Variants in EPS8 observed in about 807,000 individuals in gnomAD.
The protein encoded by EPS8 is epidermal growth factor receptor kinase substrate 8.
EPS8 carries 42 observed loss-of-function variants against 103.8 expected under a neutral mutation model. That is an observed-to-expected ratio of 0.40 (90% CI 0.32 to 0.52). The LOEUF is 0.52. Among genes scored for constraint, EPS8 ranks in the 20% least tolerant of loss-of-function variants. The probability of loss-of-function intolerance (pLI) is 0.40; values close to 1 mark genes in which losing one functional copy is unlikely to be tolerated. For synonymous variants in EPS8, 344 were observed against 344.6 expected (o/e 1.00, Z 0.02); for missense variants, 969 against 1,005.1 (o/e 0.96, Z 0.49).
At position 15,762,759 on chromosome 12, in the gene EPS8, G is replaced by A. The variant is rs980811965; in HGVS notation, c.-22+26402C>T. Among the ~76,000 whole-genome samples, 2 of 151,972 alleles carry A rather than the reference G, an allele frequency of 1.3e-5. No homozygotes were observed. The highest frequency in any genetic ancestry group is 4.8e-5 in the African/African-American group (2 of 41,380). The stretch of plus-strand genomic sequence containing the variant: ...TCATGGAGAGAGAGTATAGAAGGAT[G>A]GTTACCAGAGGCTGGGAAGGTGAAG... On this transcript the variant is annotated intron_variant, in intron 1 of 20. Coordinates refer to ENST00000281172, the MANE Select transcript of EPS8 (RefSeq NM_004447.6). The surrounding 1 kb of genome is among the most constrained non-coding windows in gnomAD (Gnocchi z 4.8).
At chr12:15,707,604 C>T (rs996305777) in intron 1 of EPS8, among the ~76,000 whole-genome samples, 3 of 151,964 alleles carry the variant, frequency 2.0e-5, no homozygotes, top group African/African-American at 7.3e-5. Flanking sequence ...TAAATCCTTC[C>T]GAAGTCTTCC....
At chr12:15,666,165 T>G (rs1365477640) in intron 7 of EPS8, among the ~76,000 whole-genome samples, 1 of 152,218 alleles carries the variant, frequency 6.6e-6, no homozygotes, top group Non-Finnish European at 1.5e-5. Flanking sequence ...TAGCTTGTAT[T>G]TCCCTAGGAT....
rs1437898645 is a variant in EPS8, at chr12:15,787,663, T to C, written c.-22+1498A>G. Among the ~76,000 whole-genome samples the C allele has an allele frequency of 2.0e-5, 3 of 152,220 alleles. No homozygotes were observed. The highest frequency in any genetic ancestry group is 4.4e-5 in the Non-Finnish European group (3 of 68,034). On this transcript the variant is annotated intron_variant, in intron 1 of 20. Transcript: ENST00000281172. This position sits in a 1 kb window ranked among gnomAD's most constrained non-coding sequence, Gnocchi z 4.9. ...CAAATTATATTTTCCTTCTTTTTTTTCTGCTATAAAGTGAATGACTTGTGG... is the reference window on the plus strand; with the variant it reads ...CAAATTATATTTTCCTTCTTTTTTTCCTGCTATAAAGTGAATGACTTGTGG...
chr12:15,732,127 A>G (rs1320910616), intron 1 of EPS8, among the ~76,000 whole-genome samples: 1 of 152,174 alleles, frequency 6.6e-6, no homozygotes, highest in East Asian at 1.9e-4. Flanking sequence ...ACCCATTTTC[A>G]TAAGTCTATA....
rs1268763788 is a variant in EPS8 at position 15,752,710 on chromosome 12, G to A, written c.-22+36451C>T. Among the ~76,000 whole-genome samples, 3 of 152,094 alleles carry A rather than the reference G, an allele frequency of 2.0e-5. No individual in the cohort carries two copies. The highest frequency in any genetic ancestry group is 2.4e-5 in the African/African-American group (1 of 41,464). Reference sequence around the variant, plus strand: ...AGATGGGCCTGAGAAGTTATACCCCGACAGTGAAGATATTAATAATGATGA... The same window carrying A: ...AGATGGGCCTGAGAAGTTATACCCCAACAGTGAAGATATTAATAATGATGA... On this transcript the variant is annotated intron_variant, in intron 1 of 20. Coordinates refer to ENST00000281172, the MANE Select transcript of EPS8 (RefSeq NM_004447.6). The surrounding 1 kb of genome is among the most constrained non-coding windows in gnomAD (Gnocchi z 4.4).
chr12:15,752,006 A>G lies in EPS8; in HGVS notation c.-22+37155T>C, dbSNP rs1422768696. Among the ~76,000 whole-genome samples the G allele has an allele frequency of 1.3e-5, 2 of 152,206 alleles. No individual in the cohort carries two copies. Among genetic ancestry groups the G allele is most frequent in the Non-Finnish European group, 2.9e-5 (2 of 68,050 alleles). ...GGCCAAGGCAAAGTGCCAATACAGG[A>G]AATCAGTGACTGGATTTGAGGTATA... is the stretch of plus-strand genomic sequence containing the variant. On this transcript the variant is annotated intron_variant, in intron 1 of 20. Coordinates refer to ENST00000281172, the MANE Select transcript of EPS8 (RefSeq NM_004447.6). This position sits in a 1 kb window ranked among gnomAD's most constrained non-coding sequence, Gnocchi z 4.4.
chr12:15,766,016 A>G (rs994012677), intron 1 of EPS8, among the ~76,000 whole-genome samples: 1 of 150,854 alleles, frequency 6.6e-6, no homozygotes. Context: ...GGGTTTCACC[A>G]TGTTGGTCAG....
intron 1 of EPS8, among the ~76,000 whole-genome samples, chr12:15,711,611 G>C (rs1170756484): frequency 6.6e-6 from 1 of 152,090 alleles, no homozygotes; most frequent in Admixed American, 6.5e-5. Flanking sequence ...ATTTGCCTTA[G>C]AGTTTGGCCA....
rs1200705359 is a variant in EPS8, at chr12:15,778,490, A to G, written c.-22+10671T>C. On this transcript the variant is annotated intron_variant, in intron 1 of 20. Coordinates refer to ENST00000281172, the MANE Select transcript of EPS8 (RefSeq NM_004447.6). This position sits in a 1 kb window ranked among gnomAD's most constrained non-coding sequence, Gnocchi z 4.5. Reference sequence around the variant, plus strand: ...AGGATCTTGATGTGCAAAAAACAAAACAAAAACACTGTAGTTTATGGTACA... The same window carrying G: ...AGGATCTTGATGTGCAAAAAACAAAGCAAAAACACTGTAGTTTATGGTACA... Among the ~76,000 whole-genome samples, 2 of 152,224 alleles carry G rather than the reference A, an allele frequency of 1.3e-5. No homozygotes were observed. The highest frequency in any genetic ancestry group is 2.9e-5 in the Non-Finnish European group (2 of 68,032).
Position 15,731,155 on chromosome 12 carries a change from G to C in EPS8, c.-21-48183C>G, listed in dbSNP as rs1946711673. 1.3e-5 allele frequency among the ~76,000 whole-genome samples: 2 copies of C among 152,152 alleles called. No individual in the cohort carries two copies. Among genetic ancestry groups the C allele is most frequent in the Admixed American group, 1.3e-4 (2 of 15,280 alleles). ...AATAATTAAAATGTCATGGGCAACT[G>C]CTATCCAGGTTTTTAGCTAGCTTAA... is the stretch of plus-strand genomic sequence containing the variant. On this transcript the variant is annotated intron_variant, in intron 1 of 20. Transcript: ENST00000281172. The surrounding 1 kb of genome is among the most constrained non-coding windows in gnomAD (Gnocchi z 5.1).
rs1328784080 is a variant in EPS8 at position 15,728,832 on chromosome 12, A to G, written c.-21-45860T>C. On this transcript the variant is annotated intron_variant, in intron 1 of 20. Transcript: ENST00000281172. This position sits in a 1 kb window ranked among gnomAD's most constrained non-coding sequence, Gnocchi z 4.5. ...TAGCAAAATATTCAAGCCAATAAAA[A>G]TGGGCTAAAGGACACTGTTAAGAAA... Among the ~76,000 whole-genome samples the G allele has an allele frequency of 6.6e-6, 1 of 152,234 alleles. No homozygotes were observed. Among genetic ancestry groups the G allele is most frequent in the African/African-American group, 2.4e-5 (1 of 41,460 alleles).
intron 14 of EPS8, among the ~76,000 whole-genome samples, chr12:15,647,561 C>T (rs559073823): frequency 1.8e-4 from 28 of 152,214 alleles, no homozygotes; most frequent in African/African-American, 6.0e-4. Context: ...AAAATTATAC[C>T]GGCTTCTCAT....
At chr12:15,711,569 T>C (rs1043411752) in intron 1 of EPS8, among the ~76,000 whole-genome samples, 2 of 152,064 alleles carry the variant, frequency 1.3e-5, no homozygotes, top group Admixed American at 6.6e-5. Context: ...CAAGAACATA[T>C]ATGGAGATTT....
intron 13 of EPS8, among the ~76,000 whole-genome samples, chr12:15,652,672 TA>T (rs1170824307): frequency 1.3e-5 from 2 of 152,178 alleles, no homozygotes; most frequent in East Asian, 3.8e-4. Flanking sequence ...CACTATGCTA[TA>T]CTAGTACATA....
intron 1 of EPS8, among the ~76,000 whole-genome samples, chr12:15,689,218 G>T (rs1045803046): frequency 1.3e-5 from 2 of 151,680 alleles, no homozygotes; most frequent in Non-Finnish European, 2.9e-5. Flanking sequence ...TTATTTGCTC[G>T]GATGTGCAAT....
chr12:15,757,652 A>AAGAAAG lies in EPS8; in HGVS notation c.-22+31508_-22+31509insCTTTCT. ...TGAAGAAAAAAAAAAGAAAAAGAAA[A>AAGAAAG]AGAAAAAGATGAAGTGGCCACCACT... On this transcript the variant is annotated intron_variant, in intron 1 of 20. Coordinates refer to ENST00000281172, the MANE Select transcript of EPS8 (RefSeq NM_004447.6). This position sits in a 1 kb window ranked among gnomAD's most constrained non-coding sequence, Gnocchi z 4.1. Among the ~76,000 whole-genome samples the AAGAAAG allele has an allele frequency of 6.6e-6, 1 of 152,008 alleles. No homozygotes were observed. The highest frequency in any genetic ancestry group is 2.1e-4 in the South Asian group (1 of 4,824).
chr12:15,684,834 G>A lies in EPS8; in HGVS notation c.-21-1862C>T, dbSNP rs972764392. ...ATAAATTAAGAAGCAAAGAAAGATC[G>A]GCCTCTGCCCTATACATGCATGTAC... On this transcript the variant is annotated intron_variant, in intron 1 of 20. Coordinates refer to ENST00000281172, the MANE Select transcript of EPS8 (RefSeq NM_004447.6). This position sits in a 1 kb window ranked among gnomAD's most constrained non-coding sequence, Gnocchi z 4.9. Among the ~76,000 whole-genome samples the A allele has an allele frequency of 1.3e-5, 2 of 152,138 alleles. No homozygotes were observed. The highest frequency in any genetic ancestry group is 1.5e-5 in the Non-Finnish European group (1 of 68,014).
intron 1 of EPS8, among the ~76,000 whole-genome samples, chr12:15,685,833 A>G (rs1287219194): frequency 6.6e-6 from 1 of 152,218 alleles, no homozygotes; most frequent in African/African-American, 2.4e-5. Flanking sequence ...CATATACACA[A>G]TTTAAAATAA....
chr12:15,679,744 C>A (rs1945971870), intron 3 of EPS8, among the ~76,000 whole-genome samples: 1 of 152,054 alleles, frequency 6.6e-6, no homozygotes. Flanking sequence ...TCTATTGCAC[C>A]AAAATGGCAC....
Sources: allele counts gnomAD v4.1 joint callset (sites outside exome capture counted in the v4.1 genomes callset), GRCh38; gene constraint gnomAD v4.1.1; non-coding constraint Gnocchi (gnomAD v3.1); transcripts MANE v1.5; gene names NCBI Gene and HGNC (gene_info 2026-07-23, HGNC 2026-07-21).